DCC: variants seen among roughly 807,000 people sequenced by gnomAD.
DCC encodes DCC netrin 1 receptor, also known as netrin receptor DCC.
In DCC, 58 loss-of-function variants were observed where a neutral mutation model predicts 172.5. That is an observed-to-expected ratio of 0.34 (90% CI 0.27 to 0.42). The LOEUF (loss-of-function observed/expected upper bound fraction) is 0.42. Ranked by LOEUF, DCC falls within the 10% of genes least tolerant of loss-of-function variation. The pLI, the probability that DCC is intolerant of heterozygous loss-of-function variation, is 1.00. For synonymous variants in DCC, 709 were observed against 644.5 expected, an observed-to-expected ratio of 1.10 and a Z score of -1.52; for missense variants, 1,740 against 1,791.0, an observed-to-expected ratio of 0.97 and a Z score of 0.51.
At chr18:53,106,241 A>G (rs773232341) in intron 7 of DCC, among the ~76,000 whole-genome samples, 2 of 151,906 alleles carry the variant, frequency 1.3e-5, no homozygotes, top group African/African-American at 2.4e-5. Flanking sequence ...TTAGCTAAGG[A>G]CAGCTAGCTT....
At chr18:52,525,759 CCTA>C (rs2031963174) in intron 1 of DCC, among the ~76,000 whole-genome samples, 1 of 152,126 alleles carries the variant, frequency 6.6e-6, no homozygotes, top group Non-Finnish European at 1.5e-5. Flanking sequence ...TCTTAACTCT[CCTA>C]CTAAGAATGA....
intron 1 of DCC, among the ~76,000 whole-genome samples, chr18:52,555,242 A>C (rs2032884405): frequency 2.0e-5 from 3 of 152,156 alleles, no homozygotes; most frequent in Admixed American, 2.0e-4. Flanking sequence ...AAGTTGGTCA[A>C]AGAAAATTTG....
intron 14 of DCC, among the ~76,000 whole-genome samples, chr18:53,339,095 C>A (rs967827820): frequency 9.2e-5 from 14 of 152,278 alleles, no homozygotes; most frequent in African/African-American, 1.9e-4. Context: ...AATGACAGAA[C>A]GTGGCATTAA....
intron 1 of DCC, among the ~76,000 whole-genome samples, chr18:52,670,231 T>C (rs1352462859): frequency 6.6e-6 from 1 of 152,210 alleles, no homozygotes; most frequent in Non-Finnish European, 1.5e-5. Flanking sequence ...CAGCCTTTCA[T>C]TCTTACTTTC....
At chr18:53,039,347 G>C (rs934311810) in intron 5 of DCC, among the ~76,000 whole-genome samples, 1 of 151,986 alleles carries the variant, frequency 6.6e-6, no homozygotes, top group Admixed American at 6.6e-5. Context: ...TATAATTTCT[G>C]CTGTTTTTAT....
intron 7 of DCC, among the ~76,000 whole-genome samples, chr18:53,149,932 G>A (rs1392008180): frequency 6.6e-6 from 1 of 152,136 alleles, no homozygotes; most frequent in Non-Finnish European, 1.5e-5. Context: ...AGACCCGTAG[G>A]TCCCCTTCTG....
intron 1 of DCC, among the ~76,000 whole-genome samples, chr18:52,725,400 C>T (rs2036536440): frequency 6.6e-6 from 1 of 152,170 alleles, no homozygotes; most frequent in Non-Finnish European, 1.5e-5. Flanking sequence ...GCAAGAATGT[C>T]AATTAGGTTA....
chr18:52,788,372 C>G (rs765996155), intron 2 of DCC, among the ~76,000 whole-genome samples: 3 of 152,120 alleles, frequency 2.0e-5, no homozygotes, highest in African/African-American at 7.2e-5. Context: ...AGGAACCAGA[C>G]AGAATTGCAG....
At chr18:52,977,994 A>T (rs72928164) in intron 5 of DCC, among the ~76,000 whole-genome samples, 3,248 of 152,246 alleles carry the variant, frequency 0.021, 59 homozygotes, top group Admixed American at 0.039. Context: ...ACAAAGATCA[A>T]ATCAAATTAA....
Position 53,179,864 on chromosome 18 carries a change from C to T in DCC, c.1573+748C>T, listed in dbSNP as rs192232301. Among the ~76,000 whole-genome samples, 347 of 152,102 alleles carry T rather than the reference C, an allele frequency of 2.3e-3. 1 individual carries two copies. Among genetic ancestry groups the T allele is most frequent in the African/African-American group, 8.0e-3 (334 of 41,522 alleles). On this transcript the variant is annotated intron_variant, in intron 9 of 28. Transcript: ENST00000442544. ...GTCATTCGCCAAATTTGTTTTGTTT[C>T]GCATTAAAAAACGATTGGAATTTAA...
intron 15 of DCC, among the ~76,000 whole-genome samples, chr18:53,348,449 G>T (rs1480051289): frequency 6.6e-6 from 1 of 152,184 alleles, no homozygotes; most frequent in Admixed American, 6.5e-5. Flanking sequence ...TTATAGGCTG[G>T]CATTGAGTGT....
intron 2 of DCC, among the ~76,000 whole-genome samples, chr18:52,902,068 C>A (rs2039818101): frequency 6.6e-6 from 1 of 152,024 alleles, no homozygotes; most frequent in Non-Finnish European, 1.5e-5. Flanking sequence ...GAGCGTGTTC[C>A]TTTTCAGAGG....
intron 12 of DCC, among the ~76,000 whole-genome samples, chr18:53,250,075 A>G (rs1298109301): frequency 6.6e-6 from 1 of 151,952 alleles, no homozygotes; most frequent in Admixed American, 6.6e-5. Context: ...AATACATCTT[A>G]AAAATCAGAC....
chr18:53,260,999 C>T (rs183200218), intron 12 of DCC, among the ~76,000 whole-genome samples: 8 of 152,236 alleles, frequency 5.3e-5, no homozygotes, highest in East Asian at 3.9e-4. Context: ...GGACCCTCCA[C>T]GCCAGGCACT....
At chr18:53,186,345 G>T (rs567956438) in intron 9 of DCC, among the ~76,000 whole-genome samples, 1 of 152,302 alleles carries the variant, frequency 6.6e-6, no homozygotes, top group South Asian at 2.1e-4. Flanking sequence ...TAATCGCCTA[G>T]TTTGGTTATA....
At chr18:52,377,666 C>G (rs952655604) in intron 1 of DCC, among the ~76,000 whole-genome samples, 2 of 140,610 alleles carry the variant, frequency 1.4e-5, no homozygotes, top group African/African-American at 5.3e-5. Context: ...AAAAATCAAA[C>G]AAAACAACAG....
chr18:52,877,107 C>T (rs1413426893), intron 2 of DCC, among the ~76,000 whole-genome samples: 1 of 151,974 alleles, frequency 6.6e-6, no homozygotes, highest in Non-Finnish European at 1.5e-5. Flanking sequence ...GTAATCGTAC[C>T]CTGGAAACAA....
intron 1 of DCC, among the ~76,000 whole-genome samples, chr18:52,468,516 A>G (rs557608882): frequency 6.6e-6 from 1 of 152,338 alleles, no homozygotes; most frequent in South Asian, 2.1e-4. Context: ...ACTTCAAATT[A>G]ATGGTAGCAT....
At chr18:52,701,513 T>G (rs983726020) in intron 1 of DCC, among the ~76,000 whole-genome samples, 7 of 152,138 alleles carry the variant, frequency 4.6e-5, no homozygotes, top group Non-Finnish European at 8.8e-5. Flanking sequence ...AACAAACATA[T>G]TTTTCCTCTT....
Sources: gnomAD v4.1 joint callset for allele counts (sites outside exome capture counted in the v4.1 genomes callset) on GRCh38, gnomAD v4.1.1 for gene constraint, MANE v1.5 for transcripts, NCBI Gene and HGNC (gene_info 2026-07-23, HGNC 2026-07-21) for gene names.